EXT1: variants seen among roughly 807,000 people sequenced by gnomAD.
EXT1 encodes the protein exostosin-1.
Under a neutral mutation model 82.5 loss-of-function variants are expected in EXT1, and 20 were observed. The observed-to-expected ratio is 0.24, with a 90% CI of 0.17 to 0.35. The LOEUF is 0.35. Among genes scored for constraint, EXT1 ranks in the 10% least tolerant of loss-of-function variants. EXT1 has a pLI of 1.00. For missense variants in EXT1, 757 were observed against 936.5 expected (o/e 0.81, Z 2.50); for synonymous variants, 348 against 350.8 (o/e 0.99, Z 0.09).
intron 1 of EXT1, among the ~76,000 whole-genome samples, chr8:117,949,996 G>A (rs891254951): frequency 1.2e-4 from 19 of 152,080 alleles, no homozygotes; most frequent in Non-Finnish European, 1.6e-4. Context: ...AGGCTGAGGC[G>A]GGCAGATCGC....
intron 1 of EXT1, among the ~76,000 whole-genome samples, chr8:117,846,388 G>A (rs1179596039): frequency 6.6e-6 from 1 of 152,126 alleles, no homozygotes; most frequent in Non-Finnish European, 1.5e-5. Context: ...GATTATAGGC[G>A]TGAGCCATCG....
At chr8:118,010,228 C>A (rs555646306) in intron 1 of EXT1, among the ~76,000 whole-genome samples, 1 of 151,808 alleles carries the variant, frequency 6.6e-6, no homozygotes, top group South Asian at 2.1e-4. Context: ...AAAAATTAGC[C>A]GGGCGTGGTG....
intron 1 of EXT1, among the ~76,000 whole-genome samples, chr8:117,911,602 G>C (rs902255224): frequency 6.6e-6 from 1 of 152,138 alleles, no homozygotes; most frequent in African/African-American, 2.4e-5. Context: ...ACTGGCCTCA[G>C]AAAGAAGGCC....
At chr8:117,888,414 A>G (rs963385951) in intron 1 of EXT1, among the ~76,000 whole-genome samples, 2 of 152,240 alleles carry the variant, frequency 1.3e-5, no homozygotes, top group African/African-American at 4.8e-5. Context: ...GTTGCTTAAC[A>G]GCTTGGGAAA....
chr8:117,855,065 T>A (rs927057175), intron 1 of EXT1, among the ~76,000 whole-genome samples: 1 of 152,238 alleles, frequency 6.6e-6, no homozygotes, highest in African/African-American at 2.4e-5. Context: ...GGCTTGTTTA[T>A]AGGTTTTCTG....
At chr8:117,805,609 T>C (rs1329863391) in intron 9 of EXT1, among the ~76,000 whole-genome samples, 1 of 152,186 alleles carries the variant, frequency 6.6e-6, no homozygotes. Flanking sequence ...ATAGGAACAA[T>C]GAACTTTCAA....
At chr8:117,949,706 TCTTA>T (rs1814455663) in intron 1 of EXT1, among the ~76,000 whole-genome samples, 1 of 151,990 alleles carries the variant, frequency 6.6e-6, no homozygotes, top group South Asian at 2.1e-4. Flanking sequence ...TAAAGAGACA[TCTTA>T]CTAATTAAGA....
At chr8:117,823,041 T>C (rs955001300) in intron 4 of EXT1, among the ~76,000 whole-genome samples, 8 of 152,164 alleles carry the variant, frequency 5.3e-5, no homozygotes, top group Non-Finnish European at 8.8e-5. Flanking sequence ...ATTCAAGACA[T>C]GACACATTCT....
At chr8:117,853,973 T>C (rs4876394) in intron 1 of EXT1, among the ~76,000 whole-genome samples, 150,617 of 152,378 alleles carry the variant, frequency 0.99, 74,511 homozygotes, top group African/African-American at 1. Context: ...GCTGGGATGG[T>C]ACACTCAGGG....
intron 1 of EXT1, among the ~76,000 whole-genome samples, chr8:117,844,440 AC>A (rs1383495666): frequency 6.6e-6 from 1 of 152,160 alleles, no homozygotes; most frequent in African/African-American, 2.4e-5. Flanking sequence ...GGAGTGAGCC[AC>A]CATACCTGGC....
intron 1 of EXT1, among the ~76,000 whole-genome samples, chr8:117,926,532 C>T (rs1351302246): frequency 4.6e-5 from 7 of 152,138 alleles, no homozygotes; most frequent in Non-Finnish European, 1.0e-4. Flanking sequence ...AGCGGAGGTG[C>T]CCAAGAACTG....
intron 1 of EXT1, among the ~76,000 whole-genome samples, chr8:117,898,709 A>G (rs1161335111): frequency 6.6e-6 from 1 of 152,228 alleles, no homozygotes; most frequent in Non-Finnish European, 1.5e-5. Flanking sequence ...ATGTAAGGAA[A>G]AAAAAACAGA....
chr8:117,865,568 G>C (rs561853826), intron 1 of EXT1, among the ~76,000 whole-genome samples: 1 of 152,128 alleles, frequency 6.6e-6, no homozygotes, highest in Non-Finnish European at 1.5e-5. Context: ...AACCTGGGGG[G>C]CCTGGAGAAT....
intron 1 of EXT1, among the ~76,000 whole-genome samples, chr8:117,976,804 G>C (rs1333476869): frequency 2.6e-5 from 4 of 152,146 alleles, no homozygotes; most frequent in Admixed American, 2.0e-4. Context: ...TAGCAGAGGG[G>C]CTTGGAGGTG....
intron 1 of EXT1, among the ~76,000 whole-genome samples, chr8:117,971,076 C>T (rs1814929781): frequency 6.6e-6 from 1 of 152,138 alleles, no homozygotes; most frequent in African/African-American, 2.4e-5. Flanking sequence ...CCAAGAAGCA[C>T]GAGGACACCA....
chr8:118,063,242 T>C (rs527774432), intron 1 of EXT1, among the ~76,000 whole-genome samples: 2 of 152,362 alleles, frequency 1.3e-5, no homozygotes, highest in Non-Finnish European at 2.9e-5. Context: ...AACAAAGAAG[T>C]GCATATCTGC....
At chr8:118,104,368 G>A (rs996500562) in intron 1 of EXT1, among the ~76,000 whole-genome samples, 3 of 152,086 alleles carry the variant, frequency 2.0e-5, no homozygotes, top group African/African-American at 7.2e-5. Flanking sequence ...AGTTAATTCC[G>A]CACAACCTGA....
At chr8:118,041,439 G>A (rs1816524334) in intron 1 of EXT1, among the ~76,000 whole-genome samples, 1 of 152,110 alleles carries the variant, frequency 6.6e-6, no homozygotes, top group African/African-American at 2.4e-5. Flanking sequence ...TGGATAAGGT[G>A]CCTGCCCCAA....
intron 8 of EXT1, among the ~76,000 whole-genome samples, chr8:117,811,400 G>C (rs1194343632): frequency 7.2e-5 from 11 of 152,068 alleles, no homozygotes; most frequent in Admixed American, 7.2e-4. Context: ...ACCTACACAT[G>C]ACACAATTGG....
Sources: gnomAD v4.1 joint callset for allele counts (sites outside exome capture counted in the v4.1 genomes callset) on GRCh38, gnomAD v4.1.1 for gene constraint, MANE v1.5 for transcripts, NCBI Gene and HGNC (gene_info 2026-07-23, HGNC 2026-07-21) for gene names.